Variants in CC2D2A observed in about 807,000 individuals in gnomAD.
The protein encoded by CC2D2A is coiled-coil and C2 domain containing 2A.
Under a neutral mutation model 212.9 loss-of-function variants are expected in CC2D2A, and 155 were observed. The observed-to-expected ratio is 0.73, with a 90% CI of 0.64 to 0.83. The LOEUF is 0.83. Ranked by LOEUF, CC2D2A falls within the 40% of genes least tolerant of loss-of-function variation. The pLI is 0.00. For synonymous variants in CC2D2A, 667 were observed against 686.5 expected (o/e 0.97, Z 0.44); for missense variants, 1,856 against 1,956.2 (o/e 0.95, Z 0.97).
intron 1 of CC2D2A, among the ~76,000 whole-genome samples, chr4:15,474,134 A>G (rs1291099015): frequency 6.6e-6 from 1 of 152,198 alleles, no homozygotes; most frequent in Non-Finnish European, 1.5e-5. Flanking sequence ...CAGCATTCCT[A>G]TCTTTGGTGG....
chr4:15,592,252 T>C (rs1220186139), intron 33 of CC2D2A, among the ~76,000 whole-genome samples: 2 of 152,200 alleles, frequency 1.3e-5, no homozygotes, highest in African/African-American at 4.8e-5. Context: ...CCAACAATTC[T>C]AAAATACCCT....
At position 15,538,001 on chromosome 4, in the gene CC2D2A, G is replaced by A. The variant is rs1404590778; in HGVS notation, c.1867G>A (p.Glu623Lys). 5.6e-6 allele frequency: 9 copies of A among 1,609,780 alleles called. No individual in the cohort carries two copies. Among genetic ancestry groups the A allele is most frequent in the Non-Finnish European group, 7.6e-6 (9 of 1,178,142 alleles). ...EEDLVKPSPP[E>K]PTDRAVIEQE... is the part of the protein sequence containing the mutation. ...GGACCTTGTGAAGCCCAGCCCTCCA[G>A]AGCCCACTGATCGGGCAGTGATAGA... The change falls in exon 16 of 37, where the codon GAG becomes AAG. Residue 623 changes from glutamate to lysine, a missense_variant. Around this residue, in one of 5 missense-constraint regions of CC2D2A, gnomAD observed 1,512 missense variants for 1,579.3 expected, o/e 0.96. Coordinates refer to ENST00000424120, the MANE Select transcript of CC2D2A (RefSeq NM_001378615.1).
Position 15,540,839 on chromosome 4 carries a change from C to T in CC2D2A, c.2006C>T (p.Ala669Val), listed in dbSNP as rs953243101. 4.4e-6 allele frequency: 7 copies of T among 1,595,864 alleles called. No homozygotes were observed. The highest frequency in any genetic ancestry group is 2.3e-5 in the South Asian group (2 of 87,444). Residue 669 changes from alanine to valine, a missense_variant and splice_region_variant, in exon 17 of 37, where the codon GCG (alanine) becomes GTG (valine). Physicochemically the swap from Ala to Val is moderately conservative, Grantham distance 64 (BLOSUM62 0). Around this residue, in one of 5 missense-constraint regions of CC2D2A, gnomAD observed 1,512 missense variants for 1,579.3 expected, o/e 0.96. Coordinates refer to ENST00000424120, the MANE Select transcript of CC2D2A (RefSeq NM_001378615.1). ...CTGTGAATGGTCTCCTTTTGCAGAG[C>T]GGAGGTCTCGAGAAGGGAGGATGTA... The part of the protein sequence containing the change: ...SVTPNDQCPR[A>V]EVSRREDVKK...
At chr4:15,531,677 T>C (rs1717855664) in intron 13 of CC2D2A, among the ~76,000 whole-genome samples, 2 of 152,302 alleles carry the variant, frequency 1.3e-5, no homozygotes, top group African/African-American at 2.4e-5. Context: ...CAAATTTTAA[T>C]TAAATATTAT....
chr4:15,572,813 G>A (rs188858768), intron 28 of CC2D2A, among the ~76,000 whole-genome samples: 1 of 152,262 alleles, frequency 6.6e-6, no homozygotes, highest in East Asian at 1.9e-4. Context: ...AACCTCAAAA[G>A]TAGGGAAGCT....
intron 26 of CC2D2A, 94 bp from the exon 27 acceptor site, chr4:15,569,199 T>A: frequency 1.5e-6 from 1 of 689,126 alleles, no homozygotes; most frequent in Non-Finnish European, 2.6e-6. Context: ...ACATCTATGC[T>A]CATATTTGGG....
At chr4:15,491,148 G>C (rs896267982) in intron 4 of CC2D2A, among the ~76,000 whole-genome samples, 1 of 152,120 alleles carries the variant, frequency 6.6e-6, no homozygotes, top group Admixed American at 6.5e-5. Flanking sequence ...AAACTTACTC[G>C]TAACTTTTTA....
chr4:15,584,216 G>C (rs1720770600), intron 30 of CC2D2A, among the ~76,000 whole-genome samples: 1 of 151,942 alleles, frequency 6.6e-6, no homozygotes, highest in Non-Finnish European at 1.5e-5. Context: ...TGAGTAAAAA[G>C]AACAAAGAAC....
At chr4:15,552,931 CGAGAGTGCGTCAT>C (rs1719082493) in intron 18 of CC2D2A, among the ~76,000 whole-genome samples, 1 of 152,224 alleles carries the variant, frequency 6.6e-6, no homozygotes, top group African/African-American at 2.4e-5. Context: ...TGGACCCACT[CGAGAGTGCGTCAT>C]GAGAATGTCT....
chr4:15,479,274 G>C, intron 3 of CC2D2A: 1 of 1,537,154 alleles, frequency 6.5e-7, no homozygotes, highest in Non-Finnish European at 8.7e-7. Flanking sequence ...CCACCTCTCC[G>C]CAGGAGTTCC....
intron 15 of CC2D2A, 131 bp downstream of exon 15, chr4:15,537,207 G>T: frequency 1.4e-6 from 1 of 715,392 alleles, no homozygotes; most frequent in Non-Finnish European, 2.2e-6. Context: ...TCTCTTCCCC[G>T]TCCCCTGGCT....
At chr4:15,480,669 T>A in intron 3 of CC2D2A, 35 bp from the exon 4 acceptor site, 1 of 1,594,638 alleles carries the variant, frequency 6.3e-7, no homozygotes, top group Non-Finnish European at 8.5e-7. Context: ...AATAAAGTCC[T>A]GGGAGTCTCT....
At chr4:15,496,135 T>A (rs939403134) in intron 4 of CC2D2A, among the ~76,000 whole-genome samples, 5 of 152,188 alleles carry the variant, frequency 3.3e-5, no homozygotes, top group African/African-American at 1.2e-4. Context: ...ATATTAGACC[T>A]TTGTCAGTTG....
At chr4:15,514,375 C>A (rs1716738978) in intron 8 of CC2D2A, among the ~76,000 whole-genome samples, 1 of 152,120 alleles carries the variant, frequency 6.6e-6, no homozygotes, top group Admixed American at 6.5e-5. Context: ...AAATTATGAG[C>A]CCAATTCTTT....
intron 4 of CC2D2A, chr4:15,482,381 C>A: frequency 1.3e-6 from 1 of 772,450 alleles, no homozygotes; most frequent in Non-Finnish European, 1.6e-6. Flanking sequence ...CTTAAACACC[C>A]AACATTTATT....
rs773740057 is a variant in CC2D2A at position 15,536,975 on chromosome 4, GA to G, written c.1666del (p.Ile556Ter). On this transcript the variant is annotated frameshift_variant, in exon 15 of 37. Transcript: ENST00000424120. LOFTEE classifies it high-confidence loss of function. ...AGCATATGAAGCAGAAATTCAAGCT[GA>G]AATAAGTGAACTGTTAGAAGAGCAC... ...EEAYEAEIQAEISELLEEHTE... is the reference protein window; with the variant it reads ...EEAYEAEIQAXISELLEEHTE... 15 of 1,613,848 alleles carry G rather than the reference GA, an allele frequency of 9.3e-6. No individual in the cohort carries two copies. Among genetic ancestry groups the G allele is most frequent in the Non-Finnish European group, 1.3e-5 (15 of 1,179,800 alleles).
In CC2D2A at chr4:15,471,973, T is replaced by C. The variant is rs1372742373; in HGVS notation, c.-19+1916T>C. Among the ~76,000 whole-genome samples, 6 of 152,218 alleles carry C rather than the reference T, an allele frequency of 3.9e-5. No individual in the cohort carries two copies. In the South Asian group the frequency reaches 6.2e-4, roughly 16 times the overall value. ...TTTCTGCACTGAGTAAAATAAATCA[T>C]TGGCTTAATGTAGCCTAAGCCTTTT... is the stretch of plus-strand genomic sequence containing the variant. On this transcript the variant is annotated intron_variant, in intron 1 of 36. Transcript: ENST00000424120.
intron 1 of CC2D2A, among the ~76,000 whole-genome samples, chr4:15,473,959 AG>A (rs1380825990): frequency 6.6e-6 from 1 of 152,198 alleles, no homozygotes; most frequent in African/African-American, 2.4e-5. Context: ...AGGTATGTAA[AG>A]CCAAGTGAAG....
chr4:15,482,106 CTGTT>C (rs967655808), intron 4 of CC2D2A: 26 of 985,272 alleles, frequency 2.6e-5, no homozygotes, highest in Middle Eastern at 5.2e-4. Flanking sequence ...AATTGTTAGA[CTGTT>C]TTCCCTATGG....
Sources: allele counts gnomAD v4.1 joint callset (sites outside exome capture counted in the v4.1 genomes callset), GRCh38; gene constraint gnomAD v4.1.1; regional missense constraint gnomAD v4.1.1; transcripts MANE v1.5; gene names NCBI Gene and HGNC (gene_info 2026-07-23, HGNC 2026-07-21).